DOCK1: variants seen among roughly 807,000 people sequenced by gnomAD.
DOCK1 encodes the protein dedicator of cytokinesis 1.
Under a neutral mutation model 262.7 loss-of-function variants are expected in DOCK1, and 138 were observed. That is an observed-to-expected ratio of 0.53 (90% CI 0.46 to 0.61). The LOEUF (loss-of-function observed/expected upper bound fraction) is 0.61, where lower values mean the gene tolerates loss of function less well. Among genes scored for constraint, DOCK1 ranks in the 20% least tolerant of loss-of-function variants. The pLI is 0.00. For missense variants in DOCK1, 1,908 were observed against 2,370.7 expected (o/e 0.80, Z 4.05); for synonymous variants, 866 against 867.4 (o/e 1.00, Z 0.03).
In DOCK1 at chr10:127,248,088, G is replaced by A; in HGVS notation, c.2928G>A (p.Gly976=). The change falls in exon 28 of 52, where the codon GGG becomes GGA. Residue 976 remains glycine, a synonymous_variant. Coordinates refer to ENST00000623213, the MANE Select transcript of DOCK1 (RefSeq NM_001290223.2). The part of the protein sequence containing the change: ...YHYAHLIKTF[G]KMRTDVVDFL... ...ATGCCCACTTGATCAAGACTTTTGG[G>A]AAAATGAGGACTGATGTGGTAGTAA... 6.2e-7 allele frequency: 1 copy of A among 1,613,986 alleles called. No individual in the cohort carries two copies. The highest frequency in any genetic ancestry group is 8.5e-7 in the Non-Finnish European group (1 of 1,179,886).
At chr10:127,045,001 A>G (rs2044248539) in intron 21 of DOCK1, among the ~76,000 whole-genome samples, 1 of 152,088 alleles carries the variant, frequency 6.6e-6, no homozygotes, top group Non-Finnish European at 1.5e-5. Context: ...GTTGGAGACC[A>G]GTCTGGCCAA....
intron 47 of DOCK1, among the ~76,000 whole-genome samples, chr10:127,427,030 G>A (rs73388644): frequency 0.011 from 1,603 of 152,236 alleles, 17 homozygotes; most frequent in African/African-American, 0.034. Flanking sequence ...TCAGTCTCTG[G>A]GAGCTTTGCT....
At chr10:127,017,322 CAT>C (rs575584497) in intron 12 of DOCK1, among the ~76,000 whole-genome samples, 1 of 131,494 alleles carries the variant, frequency 7.6e-6, no homozygotes, top group East Asian at 2.2e-4. Flanking sequence ...CGCACACAGA[CAT>C]ATATATATAC....
chr10:127,367,010 T>C (rs768208028), intron 33 of DOCK1, among the ~76,000 whole-genome samples: 2 of 152,210 alleles, frequency 1.3e-5, no homozygotes, highest in Non-Finnish European at 2.9e-5. Flanking sequence ...TGCTACTGTT[T>C]ATGGAATATG....
chr10:127,212,317 G>A (rs1052314852), intron 27 of DOCK1, among the ~76,000 whole-genome samples: 5 of 152,154 alleles, frequency 3.3e-5, no homozygotes, highest in Admixed American at 3.3e-4. Context: ...GCCATCGTGT[G>A]ACAACACTGG....
chr10:126,949,516 C>T (rs1465469674), intron 1 of DOCK1, among the ~76,000 whole-genome samples: 4 of 152,024 alleles, frequency 2.6e-5, no homozygotes, highest in Non-Finnish European at 2.9e-5. Context: ...TTCCTTTTTC[C>T]CAGGGCATCA....
chr10:127,229,520 A>G (rs2058763000), intron 27 of DOCK1, among the ~76,000 whole-genome samples: 1 of 152,142 alleles, frequency 6.6e-6, no homozygotes. Context: ...TTCCCTTAAA[A>G]TAATGCCCTC....
intron 19 of DOCK1, among the ~76,000 whole-genome samples, chr10:127,041,486 TATTG>T (rs2044010360): frequency 1.3e-5 from 2 of 152,244 alleles, no homozygotes; most frequent in African/African-American, 4.8e-5. Flanking sequence ...CACACATTTG[TATTG>T]ATTCTGCTTT....
chr10:126,927,225 GTC>G (rs1298187250), intron 1 of DOCK1, among the ~76,000 whole-genome samples: 1 of 152,108 alleles, frequency 6.6e-6, no homozygotes, highest in African/African-American at 2.4e-5. Context: ...GCAGATTTCC[GTC>G]TCTGATCTGC....
chr10:127,183,552 G>C (rs1336652623), intron 27 of DOCK1, among the ~76,000 whole-genome samples: 1 of 152,142 alleles, frequency 6.6e-6, no homozygotes, highest in Admixed American at 6.5e-5. Context: ...AAAATAACCT[G>C]CACTTGGGGT....
At chr10:127,076,197 C>T (rs1591921995) in intron 23 of DOCK1, among the ~76,000 whole-genome samples, 1 of 152,112 alleles carries the variant, frequency 6.6e-6, no homozygotes, top group Admixed American at 6.5e-5. Context: ...AAATGATCAG[C>T]AAAGATCCAT....
chr10:127,331,343 C>T (rs1220872448), intron 29 of DOCK1, among the ~76,000 whole-genome samples: 1 of 152,084 alleles, frequency 6.6e-6, no homozygotes, highest in Non-Finnish European at 1.5e-5. Flanking sequence ...AGTGCAGCGG[C>T]GCGATCCAGC....
chr10:127,448,832 A>G (rs1477198533), intron 51 of DOCK1, among the ~76,000 whole-genome samples: 3 of 150,972 alleles, frequency 2.0e-5, no homozygotes, highest in African/African-American at 7.3e-5. Context: ...TTAATAAACA[A>G]TATAAATCCC....
Position 127,176,378 on chromosome 10 carries a change from G to T in DOCK1, c.2847+48614G>T. The T allele has an allele frequency of 2.5e-6, 4 of 1,608,766 alleles. No homozygotes were observed. Among genetic ancestry groups the T allele is most frequent in the Non-Finnish European group, 3.4e-6 (4 of 1,178,122 alleles). Reference sequence around the variant, plus strand: ...CCGACGTTGTGAGTATGCATTTGCCGGTGTCCTTACTGACCATGGTTCCTG... The same window carrying T: ...CCGACGTTGTGAGTATGCATTTGCCTGTGTCCTTACTGACCATGGTTCCTG... On this transcript the variant is annotated intron_variant, in intron 27 of 51. Coordinates refer to ENST00000623213, the MANE Select transcript of DOCK1 (RefSeq NM_001290223.2). The surrounding 1 kb of genome is among the most constrained non-coding windows in gnomAD (Gnocchi z 4.4).
In DOCK1 at chr10:127,447,662, C is replaced by T. The variant is rs1350154119; in HGVS notation, c.5565+117C>T. On this transcript the variant is annotated intron_variant, in intron 51 of 51. Transcript: ENST00000623213. ...GGGCTAGTGAGCACATGAGGAAAAC[C>T]ATGTATGATGGGCCCGGGTTTGATT... 5.5e-6 allele frequency: 8 copies of T among 1,441,582 alleles called. No individual in the cohort carries two copies. The Admixed American group carries it at 1.0e-4, about 19-fold the overall frequency. The allele number at this position is 1,441,582 out of a possible 1,614,324, so 89.3% of individuals were successfully genotyped here. A position where few individuals can be genotyped will look rare whatever the true frequency, so the allele number is the denominator to read the frequency against.
At chr10:127,115,594 T>A (rs991334353) in intron 25 of DOCK1, among the ~76,000 whole-genome samples, 2 of 152,180 alleles carry the variant, frequency 1.3e-5, no homozygotes, top group Non-Finnish European at 2.9e-5. Context: ...TTAAATCTTA[T>A]AGAAATGAAA....
chr10:127,304,285 G>A (rs181570122), intron 29 of DOCK1, among the ~76,000 whole-genome samples: 3 of 152,250 alleles, frequency 2.0e-5, no homozygotes, highest in East Asian at 1.9e-4. Context: ...TACCCTAGCC[G>A]CTTGTTATGA....
intron 10 of DOCK1, among the ~76,000 whole-genome samples, chr10:127,003,130 CTGAACCTGCA>C (rs990315343): frequency 3.3e-5 from 5 of 150,862 alleles, no homozygotes; most frequent in South Asian, 2.1e-4. Flanking sequence ...TTATGAACCT[CTGAACCTGCA>C]TGAACCTGTG....
intron 25 of DOCK1, among the ~76,000 whole-genome samples, chr10:127,115,571 T>C (rs2132940833): frequency 1.3e-5 from 2 of 152,356 alleles, no homozygotes; most frequent in Middle Eastern, 6.8e-3. Context: ...ACAAAAGCTG[T>C]GAAAATTAAA....
Sources: gnomAD v4.1 joint callset for allele counts (sites outside exome capture counted in the v4.1 genomes callset) on GRCh38, gnomAD v4.1.1 for gene constraint, Gnocchi (gnomAD v3.1) non-coding constraint, MANE v1.5 for transcripts, NCBI Gene and HGNC (gene_info 2026-07-23, HGNC 2026-07-21) for gene names.